Variants in DLG2 observed in about 807,000 individuals in gnomAD.
DLG2 encodes the protein disks large homolog 2.
Under a neutral mutation model 132.5 loss-of-function variants are expected in DLG2, and 45 were observed. The ratio of observed to expected loss-of-function variants is 0.34; its 90% CI spans 0.27 to 0.44. The LOEUF is 0.44. Among genes scored for constraint, DLG2 ranks in the 20% least tolerant of loss-of-function variants. DLG2 has a pLI of 1.00. For missense variants in DLG2, 1,045 were observed against 1,196.9 expected (o/e 0.87, Z 1.87); for synonymous variants, 424 against 419.6 (o/e 1.01, Z -0.13).
chr11:85,287,816 T>A (rs1372946262), intron 3 of DLG2, among the ~76,000 whole-genome samples: 1 of 152,104 alleles, frequency 6.6e-6, no homozygotes, highest in Non-Finnish European at 1.5e-5. Flanking sequence ...AATGAATGAA[T>A]GATAATATCA....
intron 5 of DLG2, among the ~76,000 whole-genome samples, chr11:85,129,358 T>C (rs1178215668): frequency 2.0e-5 from 3 of 152,208 alleles, no homozygotes; most frequent in African/African-American, 4.8e-5. Flanking sequence ...CTTAAGACTT[T>C]AAACAATCTG....
chr11:85,009,409 T>C (rs2058963317), intron 6 of DLG2, among the ~76,000 whole-genome samples: 1 of 152,126 alleles, frequency 6.6e-6, no homozygotes, highest in Non-Finnish European at 1.5e-5. Flanking sequence ...TCTAGAACCT[T>C]TGTACAGAAA....
chr11:84,488,379 T>C (rs1412397783), intron 7 of DLG2, among the ~76,000 whole-genome samples: 1 of 152,220 alleles, frequency 6.6e-6, no homozygotes, highest in South Asian at 2.1e-4. Context: ...CTTGTTGGAA[T>C]TGGGGAAGGC....
At chr11:83,906,255 TCTCACACACACACA>T (rs1392300650) in intron 15 of DLG2, among the ~76,000 whole-genome samples, 1,189 of 96,948 alleles carry the variant, frequency 0.012, 32 homozygotes, top group Non-Finnish European at 0.018. Flanking sequence ...TCTCTCTCTC[TCTCACACACACACA>T]CACACACACA....
chr11:84,043,459 T>C (rs1418641173), intron 11 of DLG2, among the ~76,000 whole-genome samples: 3 of 151,812 alleles, frequency 2.0e-5, no homozygotes, highest in Non-Finnish European at 2.9e-5. Flanking sequence ...CAAGGGTTTG[T>C]TGTACAGATT....
chr11:84,249,298 T>C (rs2097342239), intron 8 of DLG2, among the ~76,000 whole-genome samples: 1 of 152,218 alleles, frequency 6.6e-6, no homozygotes, highest in Non-Finnish European at 1.5e-5. Flanking sequence ...ATATTGAAGC[T>C]TCTGTGACAA....
At chr11:83,464,353 A>G (rs1386280289) in intron 26 of DLG2, among the ~76,000 whole-genome samples, 1 of 152,248 alleles carries the variant, frequency 6.6e-6, no homozygotes, top group Non-Finnish European at 1.5e-5. Flanking sequence ...CAATGTGTAA[A>G]TGTGACAGCT....
At chr11:84,876,382 G>A (rs1338522161) in intron 6 of DLG2, among the ~76,000 whole-genome samples, 5 of 152,066 alleles carry the variant, frequency 3.3e-5, no homozygotes, top group Non-Finnish European at 7.4e-5. Context: ...GTCTACTCAG[G>A]GATTTGACTT....
chr11:85,181,221 C>T (rs915576970), intron 4 of DLG2, among the ~76,000 whole-genome samples: 15 of 150,978 alleles, frequency 9.9e-5, no homozygotes, highest in Admixed American at 2.0e-4. Flanking sequence ...TATATGTATA[C>T]GTATATGTAT....
chr11:84,004,939 T>TA (rs2094508170), intron 11 of DLG2, among the ~76,000 whole-genome samples: 1 of 56,414 alleles, frequency 1.8e-5, no homozygotes, highest in Non-Finnish European at 3.4e-5. Context: ...CTAAAATTTA[T>TA]ATAGAATCAA....
intron 3 of DLG2, among the ~76,000 whole-genome samples, chr11:85,343,840 C>CA (rs2082660478): frequency 6.6e-6 from 1 of 152,102 alleles, no homozygotes; most frequent in Non-Finnish European, 1.5e-5. Flanking sequence ...AGGTGAGCAA[C>CA]AGGGAGTGTT....
At chr11:84,210,490 A>C (rs1336623820) in intron 8 of DLG2, among the ~76,000 whole-genome samples, 4 of 149,914 alleles carry the variant, frequency 2.7e-5, no homozygotes, top group Non-Finnish European at 5.9e-5. Context: ...TACATATGTA[A>C]CTAACCTGCA....
chr11:84,199,603 T>A (rs2096565970), intron 8 of DLG2, among the ~76,000 whole-genome samples: 1 of 151,908 alleles, frequency 6.6e-6, no homozygotes, highest in Admixed American at 6.6e-5. Context: ...AAACTGAAAA[T>A]AATTTTAAAA....
At chr11:84,596,331 C>T (rs1036560908) in intron 6 of DLG2, among the ~76,000 whole-genome samples, 5 of 151,562 alleles carry the variant, frequency 3.3e-5, no homozygotes, top group African/African-American at 9.7e-5. Flanking sequence ...CCTCAGCCTC[C>T]TAAGTAGTTG....
chr11:85,323,011 T>C (rs979660891), intron 3 of DLG2, among the ~76,000 whole-genome samples: 1 of 152,238 alleles, frequency 6.6e-6, no homozygotes, highest in Non-Finnish European at 1.5e-5. Flanking sequence ...GACTGTTCAT[T>C]GCATTTATTA....
At chr11:84,632,696 C>A (rs1228522349) in intron 6 of DLG2, among the ~76,000 whole-genome samples, 1 of 152,152 alleles carries the variant, frequency 6.6e-6, no homozygotes, top group Non-Finnish European at 1.5e-5. Context: ...TAAGCCATCC[C>A]TGAAGGTAAA....
intron 17 of DLG2, among the ~76,000 whole-genome samples, chr11:83,793,229 T>C (rs972388786): frequency 6.6e-6 from 1 of 152,196 alleles, no homozygotes; most frequent in African/African-American, 2.4e-5. Context: ...TACTGTTGTA[T>C]TTTAACTTTT....
chr11:84,272,188 ATAG>A (rs1173159651), intron 7 of DLG2: 1 of 328,648 alleles, frequency 3.0e-6, no homozygotes, highest in African/African-American at 2.2e-5. Flanking sequence ...AGCTTCAAAT[ATAG>A]CCCAGAGTTT....
rs144073094 is a variant in DLG2 at position 83,673,369 on chromosome 11, T to G, written c.1826-40044A>C. Among the ~76,000 whole-genome samples the G allele has an allele frequency of 2.0e-3, 309 of 152,342 alleles. 1 individual carries two copies. Among genetic ancestry groups the G allele is most frequent in the African/African-American group, 7.2e-3 (298 of 41,582 alleles). On this transcript the variant is annotated intron_variant, in intron 18 of 27. Coordinates refer to ENST00000376104, the MANE Select transcript of DLG2 (RefSeq NM_001142699.3). ...TGTTTTATTGCTTTTTCTAACGTCC[T>G]ATGTTATGAAAAGGTCATGAGAAGA...
Sources: gnomAD v4.1 joint callset for allele counts (sites outside exome capture counted in the v4.1 genomes callset) on GRCh38, gnomAD v4.1.1 for gene constraint, MANE v1.5 for transcripts, NCBI Gene and HGNC (gene_info 2026-07-23, HGNC 2026-07-21) for gene names.